LRP2: variants seen among roughly 807,000 people sequenced by gnomAD.
LRP2 encodes LDL receptor related protein 2, also known as low-density lipoprotein receptor-related protein 2.
A neutral mutation model predicts 531.0 loss-of-function variants in LRP2; 172 were observed. The ratio of observed to expected loss-of-function variants is 0.32; its 90% CI spans 0.29 to 0.37. The LOEUF (loss-of-function observed/expected upper bound fraction) is 0.37. Ranked by LOEUF, LRP2 falls within the 10% of genes least tolerant of loss-of-function variation. The pLI is 1.00. For synonymous variants in LRP2, 1,992 were observed against 2,027.6 expected (o/e 0.98, Z 0.47); for missense variants, 5,167 against 5,868.3 (o/e 0.88, Z 3.90).
In LRP2 at chr2:169,294,188, A is replaced by G. The variant is rs1268581757; in HGVS notation, c.612T>C (p.His204=). Residue 204 remains histidine (H), a synonymous_variant, in exon 6 of 79, where the codon CAT becomes CAC. Coordinates refer to ENST00000649046, the MANE Select transcript of LRP2 (RefSeq NM_004525.3). ...ECIPRAYVCD[H]DNDCQDGSDE... ...CACTGCCGTCTTGGCAATCATTGTC[A>G]TGGTCACAGACATAAGCACGAGGGA... The G allele has an allele frequency of 3.7e-6, 6 of 1,613,998 alleles. No individual in the cohort carries two copies. The highest frequency in any genetic ancestry group is 5.1e-6 in the Non-Finnish European group (6 of 1,179,856).
intron 21 of LRP2, among the ~76,000 whole-genome samples, chr2:169,246,120 G>A (rs555115055): frequency 1.3e-5 from 2 of 151,812 alleles, no homozygotes; most frequent in Non-Finnish European, 1.5e-5. Flanking sequence ...TTGTAATTTT[G>A]TATTTTGTAA....
At chr2:169,240,712 T>C (rs1689773208) in intron 25 of LRP2, 2 of 566,768 alleles carry the variant, frequency 3.5e-6, no homozygotes, top group African/African-American at 1.9e-5. Flanking sequence ...CAAATTTAAT[T>C]TGACAATCTA....
chr2:169,344,890 A>G (rs1406551091), intron 1 of LRP2, among the ~76,000 whole-genome samples: 3 of 152,164 alleles, frequency 2.0e-5, no homozygotes, highest in Admixed American at 6.6e-5. Flanking sequence ...GCTCCTCTCA[A>G]ACTAAAACTG....
At chr2:169,295,779 CT>C (rs931058133) in intron 4 of LRP2, among the ~76,000 whole-genome samples, 1 of 151,990 alleles carries the variant, frequency 6.6e-6, no homozygotes, top group African/African-American at 2.4e-5. Flanking sequence ...GTTCATTCGG[CT>C]TTTTAAAATA....
At position 169,159,384 on chromosome 2, in the gene LRP2, T is replaced by C. The variant is rs569813765; in HGVS notation, c.11888-1882A>G. On this transcript the variant is annotated intron_variant, in intron 63 of 78. Coordinates refer to ENST00000649046, the MANE Select transcript of LRP2 (RefSeq NM_004525.3). ...TATCACTATATGTGGTCTGAGTACA[T>C]TAAGAACACTGGGTTTCAAAAAGAA... 1.2e-4 allele frequency among the ~76,000 whole-genome samples: 19 copies of C among 152,232 alleles called. No homozygotes were observed. The South Asian group carries it at 3.7e-3, about 30-fold the overall frequency.
At chr2:169,167,838 G>T (rs1193636252) in intron 61 of LRP2, among the ~76,000 whole-genome samples, 10 of 151,220 alleles carry the variant, frequency 6.6e-5, no homozygotes, top group Admixed American at 2.6e-4. Context: ...TCAACCAGGG[G>T]ACTAAACTAA....
rs146332621 is a variant in LRP2 at position 169,141,047 on chromosome 2, A to G, written c.13109-502T>C. Reference sequence around the variant, plus strand: ...TAGCTAGAGAGCTCCTGAGTTTTCAAGTCCTCCCAAACTGCCCTTACTCCA... The same window carrying G: ...TAGCTAGAGAGCTCCTGAGTTTTCAGGTCCTCCCAAACTGCCCTTACTCCA... On this transcript the variant is annotated intron_variant, in intron 71 of 78. Transcript: ENST00000649046. Among the ~76,000 whole-genome samples the G allele has an allele frequency of 5.6e-3, 853 of 152,286 alleles. 13 individuals are homozygous for G. Among genetic ancestry groups the G allele is most frequent in the African/African-American group, 0.02 (818 of 41,556 alleles).
chr2:169,199,255 A>C (rs1466396852), intron 44 of LRP2, among the ~76,000 whole-genome samples: 1 of 152,378 alleles, frequency 6.6e-6, no homozygotes. Context: ...TAAAGGAATA[A>C]AGAAGATTTC....
Position 169,362,334 on chromosome 2 carries a change from C to T in LRP2, c.66G>A (p.Pro22=). 6.4e-7 allele frequency: 1 copy of T among 1,563,572 alleles called. No homozygotes were observed. The highest frequency in any genetic ancestry group is 8.7e-7 in the Non-Finnish European group (1 of 1,155,030). Residue 22 remains proline (P), a synonymous_variant, in exon 1 of 79, where the codon CCG becomes CCA. Transcript: ENST00000649046. ...LLLALVACLA[P]ASGQECDSAH... Reference sequence around the variant, plus strand: ...CTGGGCTCTTACCTTGGCCACTGGCCGGCGCTAGGCAGGCGACGAGAGCCA... The same window carrying T: ...CTGGGCTCTTACCTTGGCCACTGGCTGGCGCTAGGCAGGCGACGAGAGCCA...
At position 169,226,434 on chromosome 2, in the gene LRP2, C is replaced by T; in HGVS notation, c.5382G>A (p.Trp1794Ter). Residue 1794 changes from tryptophan (W) to a stop codon, truncating the protein, a stop_gained, in exon 32 of 79, where the codon TGG (tryptophan) becomes TGA (stop). Coordinates refer to ENST00000649046, the MANE Select transcript of LRP2 (RefSeq NM_004525.3). LOFTEE classifies it high-confidence loss of function. ...EFDDAEQYIY[W>*]VENPGEIHRV... ...ATTCAAAACTTACTGGATTTTCAAC[C>T]CAATAGATGTATTGCTCAGCATCAT... is the stretch of plus-strand genomic sequence containing the variant. The T allele has an allele frequency of 6.2e-7, 1 of 1,613,216 alleles. No individual in the cohort carries two copies. Among genetic ancestry groups the T allele is most frequent in the Non-Finnish European group, 8.5e-7 (1 of 1,179,410 alleles).
chr2:169,180,002 G>T, intron 52 of LRP2, among the ~76,000 whole-genome samples: 1 of 151,904 alleles, frequency 6.6e-6, no homozygotes, highest in Non-Finnish European at 1.5e-5. Flanking sequence ...ATCCATCTAC[G>T]TAAATAATCT....
rs1341975750 is a variant in LRP2 at position 169,191,923 on chromosome 2, C to T, written c.8941G>A (p.Gly2981Ser). 1.9e-5 allele frequency: 30 copies of T among 1,613,930 alleles called. No homozygotes were observed. Among genetic ancestry groups the T allele is most frequent in the Non-Finnish European group, 2.4e-5 (28 of 1,179,994 alleles). The change falls in exon 48 of 79, where the codon GGC becomes AGC. Residue 2981 changes from glycine to serine, a missense_variant. Gly to Ser is a moderately conservative substitution (Grantham distance 56). Around this residue, in one of 6 missense-constraint regions of LRP2, gnomAD observed 1,129 missense variants for 1,362.7 expected, o/e 0.83. Coordinates refer to ENST00000649046, the MANE Select transcript of LRP2 (RefSeq NM_004525.3). The stretch of plus-strand genomic sequence containing the variant: ...GTGCAATTCTGATTCTCATCGTAGC[C>T]GTCAGTACAATCCACATCGCCATCA... ...VCDGDVDCTD[G>S]YDENQNCTRR...
intron 1 of LRP2, among the ~76,000 whole-genome samples, chr2:169,361,733 C>T (rs1441877321): frequency 1.3e-5 from 2 of 152,200 alleles, no homozygotes; most frequent in Non-Finnish European, 2.9e-5. Flanking sequence ...GACTCCAGTC[C>T]CTCAGCCACT....
chr2:169,235,069 C>A (rs1689554074), intron 29 of LRP2, among the ~76,000 whole-genome samples: 1 of 151,682 alleles, frequency 6.6e-6, no homozygotes, highest in African/African-American at 2.4e-5. Flanking sequence ...CACCCCCATG[C>A]CCAGCTAATT....
rs181911166 is a variant in LRP2 at position 169,281,462 on chromosome 2, T to C, written c.1172-943A>G. ...AAGGCCGGATGCGGTGGTTCATGCC[T>C]GTAATCCCAGCACTTTGGGAGGCCA... is the stretch of plus-strand genomic sequence containing the variant. On this transcript the variant is annotated intron_variant, in intron 10 of 78. Coordinates refer to ENST00000649046, the MANE Select transcript of LRP2 (RefSeq NM_004525.3). 4.7e-3 allele frequency among the ~76,000 whole-genome samples: 708 copies of C among 151,472 alleles called. 6 individuals are homozygous for C. The highest frequency in any genetic ancestry group is 0.031 in the Middle Eastern group (9 of 292).
intron 64 of LRP2, 91 bp from the exon 65 acceptor site, chr2:169,156,496 T>C (rs1435421781): frequency 6.2e-6 from 9 of 1,441,466 alleles, no homozygotes; most frequent in Non-Finnish European, 7.8e-6. Context: ...TCACCAGCAA[T>C]GAGGACCGAG....
In LRP2 at chr2:169,282,994, A is replaced by T; in HGVS notation, c.1050T>A (p.Asp350Glu). ...HNDSRTCVEF[D>E]DCQIWGICDQ... ...CACAAATTCCCCATATCTGGCAATC[A>T]TCAAACTCTGCCATATGGAAAATAC... is the stretch of plus-strand genomic sequence containing the variant. Residue 350 changes from aspartate to glutamate, a missense_variant, in exon 10 of 79, where the codon GAT (aspartate) becomes GAA (glutamate). Physicochemically the swap from Asp to Glu is conservative, Grantham distance 45. Coordinates refer to ENST00000649046, the MANE Select transcript of LRP2 (RefSeq NM_004525.3). The T allele has an allele frequency of 6.2e-7, 1 of 1,614,078 alleles. No individual in the cohort carries two copies. The highest frequency in any genetic ancestry group is 8.5e-7 in the Non-Finnish European group (1 of 1,179,948).
At chr2:169,222,308 C>T (rs1182953985) in intron 33 of LRP2, among the ~76,000 whole-genome samples, 2 of 152,134 alleles carry the variant, frequency 1.3e-5, no homozygotes, top group African/African-American at 4.8e-5. Flanking sequence ...TTATGAAGTA[C>T]TTTTACTTCC....
At chr2:169,288,638 G>A (rs905939097) in intron 9 of LRP2, among the ~76,000 whole-genome samples, 20 of 152,144 alleles carry the variant, frequency 1.3e-4, no homozygotes, top group African/African-American at 4.3e-4. Flanking sequence ...GCAAGGTAGC[G>A]GTGCTTGCTG....
Sources: gnomAD v4.1 joint callset for allele counts (sites outside exome capture counted in the v4.1 genomes callset) on GRCh38, gnomAD v4.1.1 for gene constraint, gnomAD v4.1.1 regional missense constraint, MANE v1.5 for transcripts, NCBI Gene and HGNC (gene_info 2026-07-23, HGNC 2026-07-21) for gene names.